Variants in DCK observed in about 807,000 individuals in gnomAD.
DCK encodes deoxycytidine kinase, also known as deoxyadenosine kinase.
A neutral mutation model predicts 38.3 loss-of-function variants in DCK; 23 were observed. The ratio of observed to expected loss-of-function variants is 0.60; its 90% confidence interval spans 0.43 to 0.85. DCK has a LOEUF of 0.85. DCK is among the 40% of genes least tolerant of loss of function. DCK has a pLI of 0.00. For synonymous variants in DCK, 108 were observed against 100.6 expected, an observed-to-expected ratio of 1.07 and a Z score of -0.44; for missense variants, 259 against 304.4, an observed-to-expected ratio of 0.85 and a Z score of 1.11.
intron 2 of DCK, among the ~76,000 whole-genome samples, chr4:71,014,343 G>A (rs368879300): frequency 1.9e-4 from 28 of 151,124 alleles, no homozygotes; most frequent in Middle Eastern, 6.8e-3. Flanking sequence ...CCCCACTGTC[G>A]ACATTAGACA....
At chr4:71,015,205 C>T (rs1436754831) in intron 2 of DCK, among the ~76,000 whole-genome samples, 1 of 152,166 alleles carries the variant, frequency 6.6e-6, no homozygotes, top group Non-Finnish European at 1.5e-5. Context: ...AATTCCTGGA[C>T]ACATACACTG....
At chr4:71,012,112 T>C (rs554732614) in intron 2 of DCK, among the ~76,000 whole-genome samples, 26 of 152,350 alleles carry the variant, frequency 1.7e-4, no homozygotes, top group African/African-American at 6.0e-4. Flanking sequence ...TAGATCTTAC[T>C]TGAAAGAACA....
intron 2 of DCK, among the ~76,000 whole-genome samples, chr4:71,020,201 G>A (rs1425207466): frequency 6.6e-6 from 1 of 152,202 alleles, no homozygotes; most frequent in Non-Finnish European, 1.5e-5. Context: ...TTTTGGCTGA[G>A]TGTATCTCTG....
chr4:71,000,509 T>G (rs1172385468), intron 2 of DCK, among the ~76,000 whole-genome samples: 1 of 152,218 alleles, frequency 6.6e-6, no homozygotes, highest in African/African-American at 2.4e-5. Flanking sequence ...TACGGGCTCT[T>G]TTTTGGTTCC....
At chr4:71,001,292 T>C (rs1739795639) in intron 2 of DCK, among the ~76,000 whole-genome samples, 1 of 152,200 alleles carries the variant, frequency 6.6e-6, no homozygotes, top group Non-Finnish European at 1.5e-5. Flanking sequence ...TTATGTTTTA[T>C]TGATTTGAGT....
intron 2 of DCK, among the ~76,000 whole-genome samples, chr4:71,012,089 C>T (rs2148915632): frequency 6.6e-6 from 1 of 152,264 alleles, no homozygotes; most frequent in East Asian, 1.9e-4. Flanking sequence ...ACCTTATTAT[C>T]CAGAGATAAC....
At chr4:71,021,473 A>G (rs1193047414) in intron 2 of DCK, among the ~76,000 whole-genome samples, 1 of 152,248 alleles carries the variant, frequency 6.6e-6, no homozygotes, top group African/African-American at 2.4e-5. Flanking sequence ...GGTTCTAACA[A>G]TAAGATTATT....
chr4:70,995,250 A>G (rs1357625585), intron 1 of DCK, among the ~76,000 whole-genome samples: 4 of 152,222 alleles, frequency 2.6e-5, no homozygotes, highest in African/African-American at 9.6e-5. Context: ...AAAGAAGACC[A>G]TATATAAAGA....
chr4:70,995,432 T>G (rs1034727171), intron 1 of DCK, among the ~76,000 whole-genome samples: 2 of 151,906 alleles, frequency 1.3e-5, no homozygotes, highest in African/African-American at 2.4e-5. Context: ...ACAAAAAAAT[T>G]AAAAAATTAG....
At chr4:71,026,309 G>C (rs1204167156) in intron 5 of DCK, among the ~76,000 whole-genome samples, 1 of 152,058 alleles carries the variant, frequency 6.6e-6, no homozygotes, top group African/African-American at 2.4e-5. Context: ...CTCAAGTCCA[G>C]TCTTACTGGT....
intron 2 of DCK, among the ~76,000 whole-genome samples, chr4:71,002,590 GTC>G: frequency 6.6e-6 from 1 of 152,270 alleles, no homozygotes; most frequent in South Asian, 2.1e-4. Context: ...TTATGTGGGA[GTC>G]TAGGTCTCTT....
intron 2 of DCK, among the ~76,000 whole-genome samples, chr4:71,019,992 T>TG (rs1740373596): frequency 6.6e-6 from 1 of 152,224 alleles, no homozygotes; most frequent in Admixed American, 6.5e-5. Context: ...TTCACCATGT[T>TG]GGCCAAGCTG....
At position 71,001,412 on chromosome 4, in the gene DCK, C is replaced by T. The variant is rs190739906; in HGVS notation, c.207+3230C>T. On this transcript the variant is annotated intron_variant, in intron 2 of 6. Coordinates refer to ENST00000286648, the MANE Select transcript of DCK (RefSeq NM_000788.3). ...GCCAGTATTTTATTGAGGATTTTCG[C>T]ATCGATGTTCATCAGGGATATTGGC... Among the ~76,000 whole-genome samples the T allele has an allele frequency of 1.6e-4, 25 of 151,766 alleles. No homozygotes were observed. The East Asian group carries it at 4.4e-3, about 27-fold the overall frequency.
intron 2 of DCK, among the ~76,000 whole-genome samples, chr4:71,001,969 C>G (rs1022194385): frequency 6.6e-6 from 1 of 152,102 alleles, no homozygotes; most frequent in Non-Finnish European, 1.5e-5. Context: ...TCTCTATCTC[C>G]TTCAGTTCTG....
intron 6 of DCK, 71 bp from the exon 7 acceptor site, chr4:71,029,281 A>C: frequency 1.0e-6 from 1 of 998,210 alleles, no homozygotes; most frequent in Non-Finnish European, 1.5e-6. Context: ...ATACTTTTAA[A>C]TGAAGATGAA....
Position 70,993,653 on chromosome 4 carries a change from T to A in DCK, c.-183T>A. Reference sequence around the variant, plus strand: ...GGGCCGCCCCGCAGGCCCGCCAGTGTCCTCAGCTGCCTCCGCGCGCCAAAG... The same window carrying A: ...GGGCCGCCCCGCAGGCCCGCCAGTGACCTCAGCTGCCTCCGCGCGCCAAAG... On this transcript the variant is annotated 5_prime_UTR_variant, in exon 1 of 7. Coordinates refer to ENST00000286648, the MANE Select transcript of DCK (RefSeq NM_000788.3). 11 of 532,698 alleles carry A rather than the reference T, an allele frequency of 2.1e-5. No homozygotes were observed. The highest frequency in any genetic ancestry group is 5.0e-4 in the Middle Eastern group (1 of 2,018). The allele number at this position is 532,698 out of a possible 1,614,324, so 33.0% of individuals were successfully genotyped here. A position where few individuals can be genotyped will look rare whatever the true frequency, so the allele number is the denominator to read the frequency against.
chr4:71,017,483 T>C (rs922894484), intron 2 of DCK, among the ~76,000 whole-genome samples: 2 of 152,076 alleles, frequency 1.3e-5, no homozygotes, highest in African/African-American at 4.8e-5. Context: ...TGCACACATA[T>C]GTTTATTGCG....
At chr4:71,006,279 T>A (rs1193990280) in intron 2 of DCK, 1 of 906,822 alleles carries the variant, frequency 1.1e-6, no homozygotes, top group Non-Finnish European at 1.3e-6. Flanking sequence ...AGTTGTAATT[T>A]TGCAGCATTT....
intron 2 of DCK, among the ~76,000 whole-genome samples, chr4:70,999,783 CT>C (rs1177093104): frequency 6.6e-6 from 1 of 152,096 alleles, no homozygotes; most frequent in African/African-American, 2.4e-5. Context: ...TGATGATGAG[CT>C]TTTTTTCATG....
Sources: allele counts gnomAD v4.1 joint callset (sites outside exome capture counted in the v4.1 genomes callset), GRCh38; gene constraint gnomAD v4.1.1; transcripts MANE v1.5; gene names NCBI Gene and HGNC (gene_info 2026-07-23, HGNC 2026-07-21).